Variants in PTPRD observed in about 807,000 individuals in gnomAD.
PTPRD encodes the protein receptor-type tyrosine-protein phosphatase delta.
In PTPRD, 34 loss-of-function variants were observed where a neutral mutation model predicts 214.5. The ratio of observed to expected loss-of-function variants is 0.16; its 90% CI spans 0.12 to 0.21. The LOEUF is 0.21. PTPRD is among the 10% of genes least tolerant of loss of function. The pLI is 1.00. For synonymous variants in PTPRD, 1,128 were observed against 845.7 expected, an observed-to-expected ratio of 1.33 and a Z score of -5.79; for missense variants, 2,545 against 2,398.7, an observed-to-expected ratio of 1.06 and a Z score of -1.27.
intron 8 of PTPRD, among the ~76,000 whole-genome samples, chr9:9,555,750 G>C (rs71497145): frequency 3.8e-4 from 58 of 152,128 alleles, no homozygotes; most frequent in African/African-American, 1.3e-3. Context: ...AAAAACATTA[G>C]CTATAAGTAC....
chr9:8,643,604 T>C (rs2096624301), intron 12 of PTPRD, among the ~76,000 whole-genome samples: 1 of 152,200 alleles, frequency 6.6e-6, no homozygotes, highest in African/African-American at 2.4e-5. Flanking sequence ...CACTGCTGCC[T>C]CTGCAGCCAC....
intron 3 of PTPRD, among the ~76,000 whole-genome samples, chr9:10,118,265 G>C (rs1476230376): frequency 6.6e-6 from 1 of 150,754 alleles, no homozygotes; most frequent in Non-Finnish European, 1.5e-5. Context: ...TCTATCTATA[G>C]AAACATTTAT....
At position 9,916,528 on chromosome 9, in the gene PTPRD, T is replaced by C. The variant is rs190516557; in HGVS notation, c.-368+21979A>G. 5.3e-5 allele frequency among the ~76,000 whole-genome samples: 8 copies of C among 151,658 alleles called. No homozygotes were observed. In the East Asian group the frequency reaches 9.7e-4, roughly 18 times the overall value. On this transcript the variant is annotated intron_variant, in intron 5 of 45. Transcript: ENST00000381196. ...AGATTTTTAAAATCCTCTCTCTATA[T>C]ATATATATACATGTATGTATACATA...
At chr9:10,430,419 T>C (rs1260086234) in intron 2 of PTPRD, among the ~76,000 whole-genome samples, 2 of 151,896 alleles carry the variant, frequency 1.3e-5, no homozygotes, top group Non-Finnish European at 2.9e-5. Flanking sequence ...CCTCTCTATA[T>C]ACAGATAGAT....
chr9:8,818,939 G>C (rs570444348), intron 11 of PTPRD, among the ~76,000 whole-genome samples: 1 of 152,092 alleles, frequency 6.6e-6, no homozygotes, highest in Non-Finnish European at 1.5e-5. Context: ...TAGAGAATCT[G>C]GTAACTAACC....
chr9:10,379,147 GA>G (rs927254234), intron 2 of PTPRD, among the ~76,000 whole-genome samples: 5 of 150,396 alleles, frequency 3.3e-5, no homozygotes, highest in African/African-American at 1.2e-4. Flanking sequence ...AAATGCTACT[GA>G]TTTTTTTTAA....
At chr9:8,713,892 G>C (rs1041761832) in intron 12 of PTPRD, 15 of 943,218 alleles carry the variant, frequency 1.6e-5, no homozygotes, top group Non-Finnish European at 2.4e-5. Context: ...GAACGCCCCG[G>C]TGGAAAAAAA....
At chr9:8,951,271 T>TC (rs2099100667) in intron 11 of PTPRD, among the ~76,000 whole-genome samples, 1 of 151,512 alleles carries the variant, frequency 6.6e-6, no homozygotes, top group African/African-American at 2.4e-5. Flanking sequence ...CTATTTTTTT[T>TC]CTTACCACAT....
At chr9:8,691,997 CT>C (rs2097815925) in intron 12 of PTPRD, among the ~76,000 whole-genome samples, 1 of 152,130 alleles carries the variant, frequency 6.6e-6, no homozygotes, top group African/African-American at 2.4e-5. Context: ...CTGAGGGCAT[CT>C]ACTTCCTGGA....
At chr9:8,813,890 C>G (rs567735382) in intron 11 of PTPRD, among the ~76,000 whole-genome samples, 3 of 152,210 alleles carry the variant, frequency 2.0e-5, no homozygotes, top group Non-Finnish European at 4.4e-5. Flanking sequence ...TTCTTTGGTC[C>G]TGGTCCACCA....
chr9:8,869,732 GAA>G (rs201895275), intron 11 of PTPRD, among the ~76,000 whole-genome samples: 10 of 136,040 alleles, frequency 7.4e-5, no homozygotes, highest in East Asian at 2.1e-4. Flanking sequence ...TTCTTAAAAG[GAA>G]AAAAAAAAAA....
chr9:10,226,005 G>C (rs986517117), intron 3 of PTPRD, among the ~76,000 whole-genome samples: 2 of 152,050 alleles, frequency 1.3e-5, no homozygotes, highest in African/African-American at 4.8e-5. Context: ...TCCTACTGCA[G>C]TTTAAGGTTT....
chr9:9,077,521 T>C (rs1471981226), intron 10 of PTPRD, among the ~76,000 whole-genome samples: 2 of 152,092 alleles, frequency 1.3e-5, no homozygotes, highest in Admixed American at 6.6e-5. Flanking sequence ...TACATACACA[T>C]GCCAGAATCT....
intron 7 of PTPRD, among the ~76,000 whole-genome samples, chr9:9,646,330 TGTGTGTGTGTGTGG>T (rs1564283478): frequency 6.0e-5 from 9 of 149,394 alleles, no homozygotes; most frequent in African/African-American, 2.3e-4. Flanking sequence ...TGTGTGTGTG[TGTGTGTGTGTGTGG>T]GTGTGTGTGT....
intron 9 of PTPRD, among the ~76,000 whole-genome samples, chr9:9,291,794 T>C (rs1213496785): frequency 1.4e-5 from 1 of 70,888 alleles, no homozygotes; most frequent in Admixed American, 1.2e-4. Context: ...ATATTTTCTC[T>C]CTTTTTTTAG....
At chr9:9,767,665 A>G (rs1003261920) in intron 5 of PTPRD, among the ~76,000 whole-genome samples, 2 of 152,114 alleles carry the variant, frequency 1.3e-5, no homozygotes, top group Admixed American at 1.3e-4. Context: ...CTGGCATTCT[A>G]TCTGCCTAAA....
intron 7 of PTPRD, among the ~76,000 whole-genome samples, chr9:9,589,637 T>C (rs565073699): frequency 6.6e-6 from 1 of 152,138 alleles, no homozygotes; most frequent in East Asian, 1.9e-4. Flanking sequence ...AATATAGCAA[T>C]AGGATTTATG....
intron 8 of PTPRD, among the ~76,000 whole-genome samples, chr9:9,406,742 G>C (rs1244763287): frequency 6.6e-6 from 1 of 151,686 alleles, no homozygotes; most frequent in African/African-American, 2.4e-5. Context: ...GAAAGAGTCT[G>C]TGGGGAAGGA....
At chr9:10,346,026 AACC>A (rs2097074021) in intron 2 of PTPRD, among the ~76,000 whole-genome samples, 1 of 152,162 alleles carries the variant, frequency 6.6e-6, no homozygotes, top group African/African-American at 2.4e-5. Flanking sequence ...TCAATCATTT[AACC>A]TCTTTCATAT....
Sources: gnomAD v4.1 joint callset for allele counts (sites outside exome capture counted in the v4.1 genomes callset) on GRCh38, gnomAD v4.1.1 for gene constraint, MANE v1.5 for transcripts, NCBI Gene and HGNC (gene_info 2026-07-23, HGNC 2026-07-21) for gene names.